Variants in AFP observed in about 807,000 individuals in gnomAD.
AFP encodes alpha-fetoprotein.
Under a neutral mutation model 78.9 loss-of-function variants are expected in AFP, and 64 were observed. The ratio of observed to expected loss-of-function variants is 0.81; its 90% CI spans 0.66 to 1.00. AFP has a LOEUF of 1.00. AFP is among the 50% of genes least tolerant of loss of function. The probability of loss-of-function intolerance (pLI) is 0.00; values close to 1 mark genes in which losing one functional copy is unlikely to be tolerated. For synonymous variants in AFP, 254 were observed against 243.8 expected (o/e 1.04, Z -0.39); for missense variants, 689 against 703.8 (o/e 0.98, Z 0.24).
At position 73,455,943 on chromosome 4, in the gene AFP, G is replaced by A. The variant is rs1182830420; in HGVS notation, c.*323G>A. On this transcript the variant is annotated 3_prime_UTR_variant, in exon 15 of 15. Coordinates refer to ENST00000395792, the MANE Select transcript of AFP (RefSeq NM_001134.3). ...ACAGCACTAGATCACTTGGTGAACTGAAAAATGTTCCCAAGTTAAACACTA... is the reference window on the plus strand; with the variant it reads ...ACAGCACTAGATCACTTGGTGAACTAAAAAATGTTCCCAAGTTAAACACTA... 1.5e-5 allele frequency: 5 copies of A among 342,728 alleles called. No homozygotes were observed. Among genetic ancestry groups the A allele is most frequent in the Admixed American group, 4.8e-5 (1 of 20,858 alleles). 21.2% of individuals were successfully genotyped at this position (342,728 alleles called of 1,614,324 possible).
intron 6 of AFP, among the ~76,000 whole-genome samples, 158 bp downstream of exon 6, chr4:73,443,602 G>A (rs1478118364): frequency 6.6e-6 from 1 of 152,136 alleles, no homozygotes; most frequent in Non-Finnish European, 1.5e-5. Flanking sequence ...GAACTCTTAG[G>A]ATCAGAAGGA....
intron 3 of AFP, among the ~76,000 whole-genome samples, chr4:73,438,519 G>T (rs1719576341): frequency 6.6e-6 from 1 of 152,008 alleles, no homozygotes; most frequent in Non-Finnish European, 1.5e-5. Flanking sequence ...ATGACTGAGA[G>T]CTAAGGTTCT....
intron 4 of AFP, among the ~76,000 whole-genome samples, chr4:73,441,768 C>T (rs1432491211): frequency 1.3e-5 from 2 of 152,254 alleles, no homozygotes; most frequent in Non-Finnish European, 2.9e-5. Flanking sequence ...CATTTGACCC[C>T]AGGTTCTCTG....
chr4:73,441,870 C>T (rs1389835340), intron 4 of AFP, among the ~76,000 whole-genome samples: 1 of 152,206 alleles, frequency 6.6e-6, no homozygotes, highest in Non-Finnish European at 1.5e-5. Flanking sequence ...TAGAACATCT[C>T]TGCTATGGCG....
At chr4:73,450,867 A>C (rs941493473) in intron 11 of AFP, 114 bp downstream of exon 11, 112 of 1,559,154 alleles carry the variant, frequency 7.2e-5, no homozygotes, top group Non-Finnish European at 9.2e-5. Flanking sequence ...TGGCCTTAGG[A>C]GGCTTGTTTG....
In AFP at chr4:73,449,448, T is replaced by C; in HGVS notation, c.1172T>C (p.Leu391Pro). ...LEKCFQTENP[L>P]ECQDKGEEEL... is the part of the protein sequence containing the mutation. ...AAGTGTTTCCAGACTGAAAACCCTCTTGAATGCCAAGATAAAGGAGTAAGT... is the reference window on the plus strand; with the variant it reads ...AAGTGTTTCCAGACTGAAAACCCTCCTGAATGCCAAGATAAAGGAGTAAGT... Residue 391 changes from leucine (L) to proline (P), a missense_variant, in exon 9 of 15, where the codon CTT (leucine) becomes CCT (proline). Transcript: ENST00000395792. 1 of 1,613,636 alleles carries C rather than the reference T, an allele frequency of 6.2e-7. No individual in the cohort carries two copies. Among genetic ancestry groups the C allele is most frequent in the Non-Finnish European group, 8.5e-7 (1 of 1,179,684 alleles).
chr4:73,449,454 GC>G lies in AFP; in HGVS notation c.1180del (p.Gln394LysfsTer29). The G allele has an allele frequency of 6.2e-7, 1 of 1,613,518 alleles. No individual in the cohort carries two copies. On this transcript the variant is annotated frameshift_variant, in exon 9 of 15. Transcript: ENST00000395792. LOFTEE classifies it high-confidence loss of function. ...TTCCAGACTGAAAACCCTCTTGAAT[GC>G]CAAGATAAAGGAGTAAGTTGCTCTA... Reference protein sequence around the residue: ...KCFQTENPLECQDKGEEELQK... With the variant: ...KCFQTENPLEXQDKGEEELQK...
Position 73,440,665 on chromosome 4 carries a change from G to C in AFP, c.334G>C (p.Asp112His), listed in dbSNP as rs751368057. 2.5e-6 allele frequency: 4 copies of C among 1,614,116 alleles called. No individual in the cohort carries two copies. The highest frequency in any genetic ancestry group is 3.4e-6 in the Non-Finnish European group (4 of 1,180,024). ...AATTTTGGAGAAGTACGGACATTCA[G>C]ACTGCTGCAGCCAAAGTGAAGAGGG... Reference protein sequence around the residue: ...KEILEKYGHSDCCSQSEEGRH... With the variant: ...KEILEKYGHSHCCSQSEEGRH... Residue 112 changes from aspartate to histidine, a missense_variant, in exon 4 of 15, where the codon GAC (aspartate) becomes CAC (histidine). Coordinates refer to ENST00000395792, the MANE Select transcript of AFP (RefSeq NM_001134.3).
chr4:73,445,619 T>C (rs1363421359), intron 7 of AFP, among the ~76,000 whole-genome samples: 1 of 152,208 alleles, frequency 6.6e-6, no homozygotes, highest in Non-Finnish European at 1.5e-5. Flanking sequence ...TGGTTTACTG[T>C]TATCTCCATA....
At chr4:73,446,141 A>G (rs946990819) in intron 7 of AFP, among the ~76,000 whole-genome samples, 1 of 152,204 alleles carries the variant, frequency 6.6e-6, no homozygotes, top group African/African-American at 2.4e-5. Context: ...TGAGAGTGAC[A>G]GTCCCTGAGG....
Position 73,450,710 on chromosome 4 carries a change from GC to G in AFP, c.1387del (p.Gln463AsnfsTer28). ...ATGGCAGCCACAGCAGCCACTTGTT[GC>G]CAACTCAGTGAGGACAAACTATTGG... ...RKMAATAATC[C>X]QLSEDKLLAC... On this transcript the variant is annotated frameshift_variant, in exon 11 of 15. Transcript: ENST00000395792. LOFTEE classifies it high-confidence loss of function. The G allele has an allele frequency of 6.2e-7, 1 of 1,614,198 alleles. No homozygotes were observed. The highest frequency in any genetic ancestry group is 8.5e-7 in the Non-Finnish European group (1 of 1,180,010).
rs1400026030 is a variant in AFP at position 73,449,468 on chromosome 4, G to A, written c.1191+1G>A. ...CCCTCTTGAATGCCAAGATAAAGGA[G>A]TAAGTTGCTCTAGAATTTTAGGGGA... On this transcript the variant is annotated splice_donor_variant, in intron 9 of 14. Transcript: ENST00000395792. LOFTEE classifies it high-confidence loss of function. 4 of 1,613,326 alleles carry A rather than the reference G, an allele frequency of 2.5e-6. No individual in the cohort carries two copies. The highest frequency in any genetic ancestry group is 1.3e-5 in the African/African-American group (1 of 74,886).
chr4:73,452,368 C>G, intron 11 of AFP, 33 bp from the exon 12 acceptor site: 1 of 1,587,554 alleles, frequency 6.3e-7, no homozygotes, highest in Non-Finnish European at 8.6e-7. Flanking sequence ...AATGCCCAAT[C>G]TCCTTACTTT....
intron 6 of AFP, 68 bp downstream of exon 6, chr4:73,443,512 G>T (rs182423918): frequency 1.2e-5 from 15 of 1,253,366 alleles, no homozygotes; most frequent in Non-Finnish European, 1.6e-5. Context: ...ATTTGGGTTC[G>T]TTTTTTTAAT....
Position 73,455,252 on chromosome 4 carries a change from C to CA in AFP, c.1807dup (p.Thr603AsnfsTer29). 1 of 1,612,388 alleles carries CA rather than the reference C, an allele frequency of 6.2e-7. No homozygotes were observed. Among genetic ancestry groups the CA allele is most frequent in the Non-Finnish European group, 8.5e-7 (1 of 1,178,828 alleles). ...AATTTTCAGGGACAAAAACTGATTT[C>CA]AAAAACTCGTGCTGCTTTGGGAGTT... On this transcript the variant is annotated frameshift_variant, in exon 14 of 15. Transcript: ENST00000395792. LOFTEE classifies it high-confidence loss of function.
In AFP at chr4:73,449,562, A is replaced by G. The variant is rs1417750239; in HGVS notation, c.1191+95A>G. 33 of 1,419,810 alleles carry G rather than the reference A, an allele frequency of 2.3e-5. No individual in the cohort carries two copies. The East Asian group carries it at 7.1e-4, about 30-fold the overall frequency. 88.0% of individuals were successfully genotyped at this position (1,419,810 alleles called of 1,614,324 possible). A position where few individuals can be genotyped will look rare whatever the true frequency, so the allele number is the denominator to read the frequency against. On this transcript the variant is annotated intron_variant, in intron 9 of 14. Transcript: ENST00000395792. The stretch of plus-strand genomic sequence containing the variant: ...GTTTGAAAGCCTCTAGTTTTCAACT[A>G]GTTGTTAGCCAGTTATATCTATTTG...
At position 73,455,565 on chromosome 4, in the gene AFP, A is replaced by G. The variant is rs565345919; in HGVS notation, c.*11-66A>G. The G allele has an allele frequency of 4.4e-5, 29 of 664,126 alleles. No homozygotes were observed. In the South Asian group the frequency reaches 4.9e-4, roughly 11 times the overall value. The allele number at this position is 664,126 out of a possible 1,614,324, so 41.1% of individuals were successfully genotyped here. ...CAATATTTCTCTGATATAAAATAAT[A>G]GAACCAGTTACTTACTGCACCTATT... On this transcript the variant is annotated intron_variant, in intron 14 of 14. Transcript: ENST00000395792.
At chr4:73,442,207 C>T in intron 4 of AFP, 89 bp from the exon 5 acceptor site, 1 of 1,280,578 alleles carries the variant, frequency 7.8e-7, no homozygotes, top group Non-Finnish European at 1.1e-6. Flanking sequence ...GTTTTTGAAT[C>T]TTTAAATAAA....
rs1297382245 is a variant in AFP at position 73,437,192 on chromosome 4, G to A, written c.118G>A (p.Glu40Lys). The A allele has an allele frequency of 6.2e-7, 1 of 1,611,150 alleles. No homozygotes were observed. The change falls in exon 2 of 15, where the codon GAG becomes AAG. Residue 40 changes from glutamate to lysine, a missense_variant. Coordinates refer to ENST00000395792, the MANE Select transcript of AFP (RefSeq NM_001134.3). ...ATTGGATTCTTACCAATGTACTGCA[G>A]AGATAAGTTTAGCTGACCTGTAAGT... ...SILDSYQCTA[E>K]ISLADLATIF...
Sources: allele counts gnomAD v4.1 joint callset (sites outside exome capture counted in the v4.1 genomes callset), GRCh38; gene constraint gnomAD v4.1.1; transcripts MANE v1.5; gene names NCBI Gene and HGNC (gene_info 2026-07-23, HGNC 2026-07-21).